SFSWAP: variants seen among roughly 807,000 people sequenced by gnomAD.
SFSWAP encodes the protein splicing factor SWAP.
In SFSWAP, 17 loss-of-function variants were observed where a neutral mutation model predicts 100.7. The observed-to-expected ratio is 0.17, with a 90% CI of 0.12 to 0.25. The LOEUF (loss-of-function observed/expected upper bound fraction) is 0.25, where lower values mean the gene tolerates loss of function less well. Ranked by LOEUF, SFSWAP falls within the 10% of genes least tolerant of loss-of-function variation. SFSWAP has a pLI of 1.00. For missense variants in SFSWAP, 1,005 were observed against 1,262.6 expected, an observed-to-expected ratio of 0.80 and a Z score of 3.09; for synonymous variants, 504 against 510.1, an observed-to-expected ratio of 0.99 and a Z score of 0.16.
At chr12:131,752,431 C>G (rs1881745114) in intron 7 of SFSWAP, among the ~76,000 whole-genome samples, 1 of 152,202 alleles carries the variant, frequency 6.6e-6, no homozygotes, top group Non-Finnish European at 1.5e-5. Flanking sequence ...GACAGCGTGC[C>G]TCTACCCTAC....
rs551270891 is a variant in SFSWAP at position 131,776,564 on chromosome 12, T to C, written c.2143-1501T>C. Reference sequence around the variant, plus strand: ...TTCTACAGTGTTTTCCCGCAGCCAGTTGGCCTTGCCACAGCGGACCTAAGG... The same window carrying C: ...TTCTACAGTGTTTTCCCGCAGCCAGCTGGCCTTGCCACAGCGGACCTAAGG... On this transcript the variant is annotated intron_variant, in intron 13 of 17. Coordinates refer to ENST00000261674, the MANE Select transcript of SFSWAP (RefSeq NM_004592.4). 1.2e-4 allele frequency among the ~76,000 whole-genome samples: 19 copies of C among 152,340 alleles called. 1 individual carries two copies. In the South Asian group the frequency reaches 2.7e-3, roughly 22 times the overall value.
At chr12:131,786,775 C>A (rs1055328162) in intron 15 of SFSWAP, among the ~76,000 whole-genome samples, 187 bp downstream of exon 15, 4 of 152,212 alleles carry the variant, frequency 2.6e-5, no homozygotes, top group Admixed American at 1.3e-4. Flanking sequence ...CACTGAGCTC[C>A]TGTGTCTGGT....
rs558968750 is a variant in SFSWAP, at chr12:131,751,280, G to A, written c.1082-1843G>A. Among the ~76,000 whole-genome samples, 22 of 152,294 alleles carry A rather than the reference G, an allele frequency of 1.4e-4. No homozygotes were observed. In the South Asian group the frequency reaches 3.7e-3, roughly 26 times the overall value. ...CTACTAGTTGAAATAATTATAAACC[G>A]TTTTGTTTTGTTTGTTTTTGTGAAT... is the stretch of plus-strand genomic sequence containing the variant. On this transcript the variant is annotated intron_variant, in intron 7 of 17. Transcript: ENST00000261674.
At chr12:131,715,823 T>C (rs2136175155) in intron 3 of SFSWAP, among the ~76,000 whole-genome samples, 1 of 152,382 alleles carries the variant, frequency 6.6e-6, no homozygotes, top group African/African-American at 2.4e-5. Flanking sequence ...CGGTTTCTCC[T>C]TAAGTAACAC....
chr12:131,769,816 A>G (rs1166888735), intron 13 of SFSWAP, among the ~76,000 whole-genome samples: 1 of 152,056 alleles, frequency 6.6e-6, no homozygotes, highest in Non-Finnish European at 1.5e-5. Context: ...TTTAGTAGAG[A>G]CGGGGTTTCA....
At chr12:131,766,066 A>G (rs1455604529) in intron 12 of SFSWAP, 52 bp from the exon 13 acceptor site, 7 of 1,544,324 alleles carry the variant, frequency 4.5e-6, no homozygotes, top group Non-Finnish European at 6.1e-6. Context: ...TTAAGATCAG[A>G]TAAAATACTG....
chr12:131,721,931 C>G (rs1320788877), intron 4 of SFSWAP, among the ~76,000 whole-genome samples: 1 of 152,176 alleles, frequency 6.6e-6, no homozygotes, highest in Non-Finnish European at 1.5e-5. Flanking sequence ...GTATTTCATT[C>G]TCATAATTAT....
rs200528971 is a variant in SFSWAP, at chr12:131,756,526, T to C, written c.1602T>C (p.Ser534=). 1 of 1,613,242 alleles carries C rather than the reference T, an allele frequency of 6.2e-7. No individual in the cohort carries two copies. Among genetic ancestry groups the C allele is most frequent in the East Asian group, 2.2e-5 (1 of 44,824 alleles). Residue 534 remains serine, a synonymous_variant, in exon 11 of 18, where the codon AGT becomes AGC. Transcript: ENST00000261674. ...APTDSAPEKP[S]DAGEDGAPED... The stretch of plus-strand genomic sequence containing the variant: ...CAGACTCTGCTCCCGAGAAGCCAAG[T>C]GATGCTGGGGAGGATGGCGCGCCTG...
chr12:131,720,625 G>C (rs1476845962), intron 4 of SFSWAP, among the ~76,000 whole-genome samples: 2 of 152,140 alleles, frequency 1.3e-5, no homozygotes, highest in Admixed American at 6.5e-5. Context: ...GGAAAGCTCC[G>C]CACAGAGAGA....
chr12:131,776,327 G>T (rs557909077), intron 13 of SFSWAP, among the ~76,000 whole-genome samples: 1 of 152,018 alleles, frequency 6.6e-6, no homozygotes, highest in Non-Finnish European at 1.5e-5. Flanking sequence ...CTTGCCCGCC[G>T]CACACCCACA....
intron 14 of SFSWAP, 119 bp from the exon 15 acceptor site, chr12:131,786,344 G>C (rs1315478753): frequency 7.9e-7 from 1 of 1,272,702 alleles, no homozygotes; most frequent in East Asian, 2.6e-5. Flanking sequence ...GTCTACACAG[G>C]CACCACCCTG....
rs1371185106 is a variant in SFSWAP, at chr12:131,711,215, G to A, written c.-15G>A. 3.8e-6 allele frequency: 6 copies of A among 1,576,462 alleles called. No homozygotes were observed. Among genetic ancestry groups the A allele is most frequent in the Non-Finnish European group, 5.2e-6 (6 of 1,164,392 alleles). On this transcript the variant is annotated 5_prime_UTR_variant, in exon 1 of 18. Transcript: ENST00000261674. This position sits in a 1 kb window ranked among gnomAD's most constrained non-coding sequence, Gnocchi z 4.9. Reference sequence around the variant, plus strand: ...GGCACAGAAGAGGACCAGCCTGGACGCCGGGGACGCTGTCATGTACGGCGC... The same window carrying A: ...GGCACAGAAGAGGACCAGCCTGGACACCGGGGACGCTGTCATGTACGGCGC...
intron 8 of SFSWAP, 71 bp from the exon 9 acceptor site, chr12:131,754,297 C>T (rs1014371592): frequency 1.5e-6 from 2 of 1,292,806 alleles, no homozygotes; most frequent in Non-Finnish European, 2.1e-6. Flanking sequence ...GCGGTGAGGA[C>T]CCCCGAGCAG....
At chr12:131,720,676 A>C (rs1334864218) in intron 4 of SFSWAP, among the ~76,000 whole-genome samples, 1 of 152,166 alleles carries the variant, frequency 6.6e-6, no homozygotes, top group Non-Finnish European at 1.5e-5. Flanking sequence ...CTGCCACTCT[A>C]ATTGAGTTCA....
intron 12 of SFSWAP, among the ~76,000 whole-genome samples, chr12:131,765,705 T>C (rs530630116): frequency 1.6e-4 from 25 of 152,072 alleles, no homozygotes; most frequent in Non-Finnish European, 3.2e-4. Context: ...AGAACTTCCA[T>C]TGTGCTGTGG....
chr12:131,778,391 A>G lies in SFSWAP; in HGVS notation c.2408+61A>G. 6.4e-7 allele frequency: 1 copy of G among 1,572,748 alleles called. No homozygotes were observed. The highest frequency in any genetic ancestry group is 8.6e-7 in the Non-Finnish European group (1 of 1,161,364). ...ATGACCCCCATGTCCTTCACAGGAC[A>G]CCCAGTAGAGCTAGGTAGAACGTTT... On this transcript the variant is annotated intron_variant, in intron 14 of 17. Coordinates refer to ENST00000261674, the MANE Select transcript of SFSWAP (RefSeq NM_004592.4). This position sits in a 1 kb window ranked among gnomAD's most constrained non-coding sequence, Gnocchi z 4.2.
chr12:131,786,609 G>A (rs1322071119), intron 15 of SFSWAP, 21 bp downstream of exon 15: 16 of 1,579,872 alleles, frequency 1.0e-5, no homozygotes, highest in South Asian at 3.5e-5. Flanking sequence ...GGGTGTGCAC[G>A]CAGGTGCTGG....
At chr12:131,755,637 C>A (rs991246325) in intron 10 of SFSWAP, among the ~76,000 whole-genome samples, 158 bp downstream of exon 10, 1 of 152,144 alleles carries the variant, frequency 6.6e-6, no homozygotes, top group Non-Finnish European at 1.5e-5. Flanking sequence ...TTTCACGTCC[C>A]CCTTAGCTCT....
At chr12:131,783,684 C>T (rs1884658173) in intron 14 of SFSWAP, 1 of 150,864 alleles carries the variant, frequency 6.6e-6, no homozygotes, top group African/African-American at 2.4e-5. Flanking sequence ...GAAGCTGAGG[C>T]AGGAGAATGG....
Sources: gnomAD v4.1 joint callset for allele counts (sites outside exome capture counted in the v4.1 genomes callset) on GRCh38, gnomAD v4.1.1 for gene constraint, Gnocchi (gnomAD v3.1) non-coding constraint, MANE v1.5 for transcripts, NCBI Gene and HGNC (gene_info 2026-07-23, HGNC 2026-07-21) for gene names.